CALHM1: variants seen among roughly 807,000 people sequenced by gnomAD.
CALHM1 encodes the protein calcium homeostasis modulator protein 1.
In CALHM1, 11 loss-of-function variants were observed where a neutral mutation model predicts 14.8. That is an observed-to-expected ratio of 0.74 (90% CI 0.47 to 1.23). The LOEUF (loss-of-function observed/expected upper bound fraction) is 1.23. Ranked by LOEUF, CALHM1 falls within the 50% of genes most tolerant of loss-of-function variation. CALHM1 has a pLI of 0.00. For synonymous variants in CALHM1, 215 were observed against 218.9 expected, an observed-to-expected ratio of 0.98 and a Z score of 0.16; for missense variants, 458 against 496.4, an observed-to-expected ratio of 0.92 and a Z score of 0.74.
At chr10:103,456,773 G>A (rs1208745021) in intron 1 of CALHM1, among the ~76,000 whole-genome samples, 3 of 152,192 alleles carry the variant, frequency 2.0e-5, no homozygotes, top group Non-Finnish European at 2.9e-5. Flanking sequence ...GAAAAATTCC[G>A]ATTTTTATTT....
In CALHM1 at chr10:103,458,173, G is replaced by A. The variant is rs1369568309; in HGVS notation, c.555+24C>T. ...GACCTTGATCTGCCAGGGAGACCCA[G>A]CGTGAAGCCATGCGGCCCCTCACCT... On this transcript the variant is annotated intron_variant, in intron 1 of 1. Coordinates refer to ENST00000329905, the MANE Select transcript of CALHM1 (RefSeq NM_001001412.4). The surrounding 1 kb of genome is among the most constrained non-coding windows in gnomAD (Gnocchi z 4.9). 3 of 1,610,562 alleles carry A rather than the reference G, an allele frequency of 1.9e-6. No homozygotes were observed. Among genetic ancestry groups the A allele is most frequent in the African/African-American group, 2.7e-5 (2 of 75,042 alleles).
rs760769081 is a variant in CALHM1, at chr10:103,458,523, T to G, written c.229A>C (p.Met77Leu). The change falls in exon 1 of 2, where the codon ATG becomes CTG. Residue 77 changes from methionine (M) to leucine (L), a missense_variant. Transcript: ENST00000329905. The surrounding 1 kb of genome is among the most constrained non-coding windows in gnomAD (Gnocchi z 4.9). The part of the protein sequence containing the change: ...LGLVMNNNVS[M>L]LAEEWKRPLG... ...GGCCGCTTCCACTCTTCGGCCAGCA[T>G]GGACACGTTGTTGTTCATGACCAGG... is the stretch of plus-strand genomic sequence containing the variant. The G allele has an allele frequency of 2.5e-6, 4 of 1,613,494 alleles. No individual in the cohort carries two copies. Among genetic ancestry groups the G allele is most frequent in the African/African-American group, 1.3e-5 (1 of 74,924 alleles).
Position 103,458,048 on chromosome 10 carries a change from T to C in CALHM1, c.555+149A>G. On this transcript the variant is annotated intron_variant, in intron 1 of 1. Transcript: ENST00000329905. This position sits in a 1 kb window ranked among gnomAD's most constrained non-coding sequence, Gnocchi z 4.9. ...TGGGCTGAGGGCAGATGCGTGGCTC[T>C]GCCTTCAGCCTCAGTTGGGAAGATG... 1.1e-6 allele frequency: 1 copy of C among 945,598 alleles called. No individual in the cohort carries two copies. Among genetic ancestry groups the C allele is most frequent in the Non-Finnish European group, 1.6e-6 (1 of 633,978 alleles). The allele number at this position is 945,598 out of a possible 1,614,324, so 58.6% of individuals were successfully genotyped here. A position where few individuals can be genotyped will look rare whatever the true frequency, so the allele number is the denominator to read the frequency against.
rs1480765423 is a variant in CALHM1 at position 103,454,843 on chromosome 10, TC to T, written c.*418del. On this transcript the variant is annotated 3_prime_UTR_variant, in exon 2 of 2. Transcript: ENST00000329905. ...TCATGAGACGCCTGATGATTCCCAC[TC>T]CCCGAGCCCGGAGCATAAAGGAAGA... is the stretch of plus-strand genomic sequence containing the variant. The T allele has an allele frequency of 5.5e-6, 1 of 182,656 alleles. No homozygotes were observed. Among genetic ancestry groups the T allele is most frequent in the Non-Finnish European group, 1.1e-5 (1 of 88,314 alleles). 11.3% of individuals were successfully genotyped at this position (182,656 alleles called of 1,614,324 possible).
chr10:103,458,232 C>A lies in CALHM1; in HGVS notation c.520G>T (p.Glu174Ter). ...CAGCGGAGGTAACGCACGGCCACCT[C>A]TCGGGCCAACAGCCAGTCGCCATCG... is the stretch of plus-strand genomic sequence containing the variant. Reference protein sequence around the residue: ...IYDGDWLLAREVAVRYLRCIS... With the variant: ...IYDGDWLLAR The change falls in exon 1 of 2, where the codon GAG (glutamate) becomes TAG (stop). Residue 174 changes from glutamate (E) to a stop codon, truncating the protein, a stop_gained. Transcript: ENST00000329905. LOFTEE classifies it high-confidence loss of function. The surrounding 1 kb of genome is among the most constrained non-coding windows in gnomAD (Gnocchi z 4.9). The A allele has an allele frequency of 6.2e-7, 1 of 1,613,006 alleles. No individual in the cohort carries two copies. The highest frequency in any genetic ancestry group is 8.5e-7 in the Non-Finnish European group (1 of 1,179,836).
chr10:103,454,957 A>C lies in CALHM1; in HGVS notation c.*305T>G. 1 of 408,204 alleles carries C rather than the reference A, an allele frequency of 2.4e-6. No individual in the cohort carries two copies. Among genetic ancestry groups the C allele is most frequent in the Non-Finnish European group, 4.4e-6 (1 of 229,646 alleles). 25.3% of individuals were successfully genotyped at this position (408,204 alleles called of 1,614,324 possible). On this transcript the variant is annotated 3_prime_UTR_variant, in exon 2 of 2. Transcript: ENST00000329905. ...AGGAGACAGTGAACATCAGCCTGGGAAGGGCTGGGCAGAGGGGAGCCATTG... is the reference window on the plus strand; with the variant it reads ...AGGAGACAGTGAACATCAGCCTGGGCAGGGCTGGGCAGAGGGGAGCCATTG...
chr10:103,458,090 G>T lies in CALHM1; in HGVS notation c.555+107C>A. On this transcript the variant is annotated intron_variant, in intron 1 of 1. Coordinates refer to ENST00000329905, the MANE Select transcript of CALHM1 (RefSeq NM_001001412.4). This position sits in a 1 kb window ranked among gnomAD's most constrained non-coding sequence, Gnocchi z 4.9. ...GGGAAGATGCCCCCCACACCTCGGA[G>T]CTCCACCTGAGCAGAGGCCCCATTT... 2.3e-6 allele frequency: 3 copies of T among 1,330,268 alleles called. No homozygotes were observed. The South Asian group carries it at 4.0e-5, about 18-fold the overall frequency. The allele number at this position is 1,330,268 out of a possible 1,614,324, so 82.4% of individuals were successfully genotyped here. A position where few individuals can be genotyped will look rare whatever the true frequency, so the allele number is the denominator to read the frequency against.
chr10:103,456,265 C>G lies in CALHM1; in HGVS notation c.556-518G>C, dbSNP rs114326357. Among the ~76,000 whole-genome samples the G allele has an allele frequency of 8.4e-3, 1,286 of 152,322 alleles. 18 individuals carry two copies. Among genetic ancestry groups the G allele is most frequent in the African/African-American group, 0.03 (1,248 of 41,568 alleles). On this transcript the variant is annotated intron_variant, in intron 1 of 1. Transcript: ENST00000329905. Reference sequence around the variant, plus strand: ...AGGCCCTCACTTACTTACTGTGCCTCTTCTTTCAGGAAGCCTTCCTTGATC... The same window carrying G: ...AGGCCCTCACTTACTTACTGTGCCTGTTCTTTCAGGAAGCCTTCCTTGATC...
At position 103,456,640 on chromosome 10, in the gene CALHM1, C is replaced by T. The variant is rs530364983; in HGVS notation, c.556-893G>A. 2.4e-3 allele frequency among the ~76,000 whole-genome samples: 369 copies of T among 152,278 alleles called. 2 individuals are homozygous for T. The highest frequency in any genetic ancestry group is 6.6e-3 in the African/African-American group (274 of 41,568). Reference sequence around the variant, plus strand: ...GCCAGGCAGGTCGTGACAGAGCACACGGGGTGGGGAGCCACTGAGCATGTG... The same window carrying T: ...GCCAGGCAGGTCGTGACAGAGCACATGGGGTGGGGAGCCACTGAGCATGTG... On this transcript the variant is annotated intron_variant, in intron 1 of 1. Coordinates refer to ENST00000329905, the MANE Select transcript of CALHM1 (RefSeq NM_001001412.4).
In CALHM1 at chr10:103,458,686, G is replaced by A. The variant is rs142537588; in HGVS notation, c.66C>T (p.Gly22=). The change falls in exon 1 of 2, where the codon GGC becomes GGT. Residue 22 remains glycine (G), a synonymous_variant. Coordinates refer to ENST00000329905, the MANE Select transcript of CALHM1 (RefSeq NM_001001412.4). The surrounding 1 kb of genome is among the most constrained non-coding windows in gnomAD (Gnocchi z 4.9). ...TGGCCAGGGCCATGATGCCACAGAT[G>A]CCATTCATGAAGGACTCCTGGTTGG... ...LQSNQESFMN[G]ICGIMALASA... 2.5e-6 allele frequency: 4 copies of A among 1,614,106 alleles called. No individual in the cohort carries two copies. Among genetic ancestry groups the A allele is most frequent in the African/African-American group, 2.7e-5 (2 of 75,062 alleles).
rs991140687 is a variant in CALHM1 at position 103,455,534 on chromosome 10, C to G, written c.769G>C (p.Asp257His). Reference protein sequence around the residue: ...IQQFFEAMNHDLELGHTHGTL... With the variant: ...IQQFFEAMNHHLELGHTHGTL... ...CCGTGGGTGTGACCCAGCTCCAGGT[C>G]ATGGTTCATGGCCTCGAAGAACTGC... Residue 257 changes from aspartate (D) to histidine (H), a missense_variant, in exon 2 of 2, where the codon GAC (aspartate) becomes CAC (histidine). Coordinates refer to ENST00000329905, the MANE Select transcript of CALHM1 (RefSeq NM_001001412.4). 6.2e-7 allele frequency: 1 copy of G among 1,613,846 alleles called. No individual in the cohort carries two copies. The highest frequency in any genetic ancestry group is 1.7e-5 in the Admixed American group (1 of 60,014).
rs1201511722 is a variant in CALHM1, at chr10:103,453,508, C to G, written c.*1754G>C. On this transcript the variant is annotated 3_prime_UTR_variant, in exon 2 of 2. Transcript: ENST00000329905. ...AACTCCCAGGCTCAAGTGATCCTCC[C>G]TCCTTGGCCTCCCAAGTGCTGGGAT... The G allele has an allele frequency of 6.6e-6, 1 of 152,062 alleles. No homozygotes were observed. The highest frequency in any genetic ancestry group is 2.4e-5 in the African/African-American group (1 of 41,386). 9.4% of individuals were successfully genotyped at this position (152,062 alleles called of 1,614,324 possible).
rs1343157691 is a variant in CALHM1, at chr10:103,453,883, TAAG to T, written c.*1376_*1378del. ...ATCTGAGCAACTCCTCCCAAATAAT[TAAG>T]AGGAGGGAAACTGGACCCCAGAAGT... On this transcript the variant is annotated 3_prime_UTR_variant, in exon 2 of 2. Transcript: ENST00000329905. 1 of 151,860 alleles carries T rather than the reference TAAG, an allele frequency of 6.6e-6. No individual in the cohort carries two copies. Among genetic ancestry groups the T allele is most frequent in the Non-Finnish European group, 1.5e-5 (1 of 67,994 alleles). The allele number at this position is 151,860 out of a possible 1,614,324, so 9.4% of individuals were successfully genotyped here. A position where few individuals can be genotyped will look rare whatever the true frequency, so the allele number is the denominator to read the frequency against.
rs748615988 is a variant in CALHM1 at position 103,458,196 on chromosome 10, C to T, written c.555+1G>A. 1.2e-6 allele frequency: 2 copies of T among 1,612,310 alleles called. No homozygotes were observed. Among genetic ancestry groups the T allele is most frequent in the African/African-American group, 2.7e-5 (2 of 74,944 alleles). On this transcript the variant is annotated splice_donor_variant, in intron 1 of 1. Transcript: ENST00000329905. LOFTEE classifies it high-confidence loss of function. The surrounding 1 kb of genome is among the most constrained non-coding windows in gnomAD (Gnocchi z 4.9). ...CAGCGTGAAGCCATGCGGCCCCTCA[C>T]CTGGGAGATGCAGCGGAGGTAACGC...
At chr10:103,457,672 ACCC>A (rs2033166400) in intron 1 of CALHM1, among the ~76,000 whole-genome samples, 1 of 152,114 alleles carries the variant, frequency 6.6e-6, no homozygotes, top group Non-Finnish European at 1.5e-5. Flanking sequence ...ACTCTGGCTG[ACCC>A]GTCAGTGGTC....
chr10:103,458,099 G>A lies in CALHM1; in HGVS notation c.555+98C>T. Reference sequence around the variant, plus strand: ...CCCCCCACACCTCGGAGCTCCACCTGAGCAGAGGCCCCATTTTGAGAGGTA... The same window carrying A: ...CCCCCCACACCTCGGAGCTCCACCTAAGCAGAGGCCCCATTTTGAGAGGTA... On this transcript the variant is annotated intron_variant, in intron 1 of 1. Coordinates refer to ENST00000329905, the MANE Select transcript of CALHM1 (RefSeq NM_001001412.4). The surrounding 1 kb of genome is among the most constrained non-coding windows in gnomAD (Gnocchi z 4.9). 1 of 1,414,224 alleles carries A rather than the reference G, an allele frequency of 7.1e-7. No individual in the cohort carries two copies. The highest frequency in any genetic ancestry group is 1.4e-5 in the African/African-American group (1 of 70,872). The allele number at this position is 1,414,224 out of a possible 1,614,324, so 87.6% of individuals were successfully genotyped here. A position where few individuals can be genotyped will look rare whatever the true frequency, so the allele number is the denominator to read the frequency against.
Position 103,458,399 on chromosome 10 carries a change from G to T in CALHM1, c.353C>A (p.Thr118Lys), listed in dbSNP as rs369608076. Residue 118 changes from threonine to lysine, a missense_variant, in exon 1 of 2, where the codon ACG (threonine) becomes AAG (lysine). Coordinates refer to ENST00000329905, the MANE Select transcript of CALHM1 (RefSeq NM_001001412.4). This position sits in a 1 kb window ranked among gnomAD's most constrained non-coding sequence, Gnocchi z 4.9. The part of the protein sequence containing the change: ...LIAPVVWVAV[T>K]LLDGKCFLCA... ...GAGGAAGCATTTGCCGTCGAGTAGCGTGACGGCCACCCAGACGACAGGCGC... is the reference window on the plus strand; with the variant it reads ...GAGGAAGCATTTGCCGTCGAGTAGCTTGACGGCCACCCAGACGACAGGCGC... The T allele has an allele frequency of 3.7e-6, 6 of 1,608,922 alleles. No individual in the cohort carries two copies. The highest frequency in any genetic ancestry group is 5.1e-6 in the Non-Finnish European group (6 of 1,176,942).
In CALHM1 at chr10:103,458,221, C is replaced by G; in HGVS notation, c.531G>C (p.Val177=). The change falls in exon 1 of 2, where the codon GTG becomes GTC. Residue 177 remains valine, a synonymous_variant. Coordinates refer to ENST00000329905, the MANE Select transcript of CALHM1 (RefSeq NM_001001412.4). The surrounding 1 kb of genome is among the most constrained non-coding windows in gnomAD (Gnocchi z 4.9). ...CCTGGGAGATGCAGCGGAGGTAACG[C>G]ACGGCCACCTCTCGGGCCAACAGCC... ...GDWLLAREVA[V]RYLRCISQAL... is the part of the protein sequence containing the mutation. 6.2e-7 allele frequency: 1 copy of G among 1,612,876 alleles called. No individual in the cohort carries two copies. The highest frequency in any genetic ancestry group is 8.5e-7 in the Non-Finnish European group (1 of 1,179,776).
rs781595781 is a variant in CALHM1 at position 103,458,336 on chromosome 10, C to T, written c.416G>A (p.Gly139Asp). Residue 139 changes from glycine to aspartate, a missense_variant, in exon 1 of 2, where the codon GGC becomes GAC. Transcript: ENST00000329905. This position sits in a 1 kb window ranked among gnomAD's most constrained non-coding sequence, Gnocchi z 4.9. ...AAGGCCGGGTGCCAGGCTGCCGTTGCCCAGTGCGCTCACGGGCACGGCAGT... is the reference window on the plus strand; with the variant it reads ...AAGGCCGGGTGCCAGGCTGCCGTTGTCCAGTGCGCTCACGGGCACGGCAGT... ...FCTAVPVSAL[G>D]NGSLAPGLPA... is the part of the protein sequence containing the mutation. The T allele has an allele frequency of 1.2e-6, 2 of 1,610,874 alleles. No individual in the cohort carries two copies. The highest frequency in any genetic ancestry group is 1.7e-6 in the Non-Finnish European group (2 of 1,178,780).
Sources: gnomAD v4.1 joint callset for allele counts (sites outside exome capture counted in the v4.1 genomes callset) on GRCh38, gnomAD v4.1.1 for gene constraint, Gnocchi (gnomAD v3.1) non-coding constraint, MANE v1.5 for transcripts, NCBI Gene and HGNC (gene_info 2026-07-23, HGNC 2026-07-21) for gene names.